CR1L: variants seen among roughly 807,000 people sequenced by gnomAD.
The protein encoded by CR1L is complement component receptor 1-like protein.
A neutral mutation model predicts 62.3 loss-of-function variants in CR1L; 59 were observed. The ratio of observed to expected loss-of-function variants is 0.95; its 90% CI spans 0.77 to 1.18. The LOEUF is 1.18. Among genes scored for constraint, CR1L ranks in the 50% most tolerant of loss-of-function variants. The probability of loss-of-function intolerance (pLI) is 0.00; values close to 1 mark genes in which losing one functional copy is unlikely to be tolerated. For missense variants in CR1L, 700 were observed against 702.8 expected, an observed-to-expected ratio of 1.00 and a Z score of 0.04; for synonymous variants, 279 against 248.7, an observed-to-expected ratio of 1.12 and a Z score of -1.15.
intron 4 of CR1L, among the ~76,000 whole-genome samples, chr1:207,692,081 C>T (rs553163020): frequency 6.6e-6 from 1 of 152,272 alleles, no homozygotes; most frequent in South Asian, 2.1e-4. Context: ...ATTTGATTGG[C>T]CAAAACTCGG....
At chr1:207,686,295 G>T (rs1167828253) in intron 4 of CR1L, among the ~76,000 whole-genome samples, 1 of 150,234 alleles carries the variant, frequency 6.7e-6, no homozygotes, top group African/African-American at 2.5e-5. Flanking sequence ...TCCTTGTCTT[G>T]TTCCACATCT....
At chr1:207,716,781 C>T (rs2102483160) in intron 10 of CR1L, among the ~76,000 whole-genome samples, 1 of 152,258 alleles carries the variant, frequency 6.6e-6, no homozygotes, top group African/African-American at 2.4e-5. Flanking sequence ...TTCCGATAAA[C>T]TTGGGTATCT....
At chr1:207,676,221 C>T (rs575724905) in intron 1 of CR1L, among the ~76,000 whole-genome samples, 1 of 152,170 alleles carries the variant, frequency 6.6e-6, no homozygotes, top group South Asian at 2.1e-4. Flanking sequence ...TTCAAACTAG[C>T]AGAGACTTTT....
intron 5 of CR1L, among the ~76,000 whole-genome samples, chr1:207,696,985 A>G (rs1267185267): frequency 2.0e-5 from 3 of 152,230 alleles, no homozygotes; most frequent in Non-Finnish European, 4.4e-5. Context: ...ACCCTATGTC[A>G]GGTGGCCGCT....
At chr1:207,698,934 G>T (rs1664149709) in intron 7 of CR1L, among the ~76,000 whole-genome samples, 2 of 152,202 alleles carry the variant, frequency 1.3e-5, no homozygotes, top group South Asian at 4.1e-4. Flanking sequence ...CTGGGTCAAG[G>T]AGATGGTGGC....
At chr1:207,667,664 T>A (rs1281814500) in intron 1 of CR1L, among the ~76,000 whole-genome samples, 1 of 152,192 alleles carries the variant, frequency 6.6e-6, no homozygotes, top group East Asian at 1.9e-4. Flanking sequence ...TGTTATTTTT[T>A]AAATTGGCTC....
chr1:207,681,985 G>A (rs559253041), intron 3 of CR1L, among the ~76,000 whole-genome samples: 142 of 151,796 alleles, frequency 9.4e-4, no homozygotes, highest in Non-Finnish European at 1.6e-3. Flanking sequence ...ATCACACTCC[G>A]GGGCCTGTTG....
intron 1 of CR1L, 151 bp from the exon 2 acceptor site, chr1:207,677,238 G>T (rs191975411): frequency 3.1e-5 from 23 of 736,178 alleles, no homozygotes; most frequent in Non-Finnish European, 1.2e-5. Context: ...AGGGAGAATT[G>T]CTTGAACCTG....
At chr1:207,652,547 A>G (rs1394541365) in intron 1 of CR1L, 8 of 1,500,500 alleles carry the variant, frequency 5.3e-6, no homozygotes, top group Middle Eastern at 1.7e-4. Flanking sequence ...TTATCCCTAG[A>G]TGCCTATGAG....
chr1:207,645,216 G>C lies in CR1L; in HGVS notation c.-18G>C. On this transcript the variant is annotated 5_prime_UTR_variant, in exon 1 of 12. Transcript: ENST00000508064. The stretch of plus-strand genomic sequence containing the variant: ...TCTGCTCACCTCCGGATAAATCACG[G>C]GGTCTCCCGCGCCGCTCATGGCGCC... The C allele has an allele frequency of 6.2e-7, 1 of 1,611,906 alleles. No individual in the cohort carries two copies. The highest frequency in any genetic ancestry group is 1.1e-5 in the South Asian group (1 of 91,018).
At chr1:207,657,038 T>G (rs10082154) in intron 1 of CR1L, 1 of 577,170 alleles carries the variant, frequency 1.7e-6, no homozygotes, top group Admixed American at 3.1e-5. Context: ...AAACCCTATA[T>G]TGACAAATTC....
At chr1:207,656,232 C>T (rs768008524) in intron 1 of CR1L, among the ~76,000 whole-genome samples, 8 of 150,280 alleles carry the variant, frequency 5.3e-5, no homozygotes, top group Non-Finnish European at 8.9e-5. Flanking sequence ...AGCGAGATTC[C>T]GTCTCAAAAT....
intron 1 of CR1L, among the ~76,000 whole-genome samples, chr1:207,657,749 A>C (rs1188756962): frequency 6.6e-6 from 1 of 152,208 alleles, no homozygotes; most frequent in African/African-American, 2.4e-5. Flanking sequence ...AATTTTCTTA[A>C]AGACCAGAGT....
chr1:207,684,018 A>G (rs1476059715), intron 4 of CR1L, 61 bp downstream of exon 4: 5 of 1,509,538 alleles, frequency 3.3e-6, no homozygotes, highest in Non-Finnish European at 4.6e-6. Context: ...TCTCTGGAAT[A>G]ATAAAAATCT....
In CR1L at chr1:207,683,808, G is replaced by C. The variant is rs573079790; in HGVS notation, c.378-64G>C. On this transcript the variant is annotated intron_variant, in intron 3 of 11. Transcript: ENST00000508064. ...TATAAGAGTGTAATCTCTGGAAGTA[G>C]TAATTTAATTGGGTAGTTGACCTGT... 358 of 1,451,942 alleles carry C rather than the reference G, an allele frequency of 2.5e-4. 1 individual carries two copies. The highest frequency in any genetic ancestry group is 7.4e-4 in the Admixed American group (44 of 59,396). The allele number at this position is 1,451,942 out of a possible 1,614,324, so 89.9% of individuals were successfully genotyped here.
intron 5 of CR1L, 50 bp from the exon 6 acceptor site, chr1:207,697,453 A>G (rs1571526343): frequency 6.2e-7 from 1 of 1,613,000 alleles, no homozygotes; most frequent in South Asian, 1.1e-5. Flanking sequence ...TAACAGTGAG[A>G]GAAAAGTTAT....
At chr1:207,669,825 A>G (rs1308367014) in intron 1 of CR1L, among the ~76,000 whole-genome samples, 1 of 151,286 alleles carries the variant, frequency 6.6e-6, no homozygotes, top group African/African-American at 2.5e-5. Context: ...TGGAAGGCGC[A>G]GATGCTGAGC....
intron 1 of CR1L, among the ~76,000 whole-genome samples, chr1:207,670,670 G>A (rs1193868219): frequency 6.6e-6 from 1 of 150,980 alleles, no homozygotes. Context: ...AGAGTAAGGG[G>A]AAAAGAAAAC....
At chr1:207,687,963 T>C (rs1031729930) in intron 4 of CR1L, among the ~76,000 whole-genome samples, 9 of 152,178 alleles carry the variant, frequency 5.9e-5, no homozygotes, top group African/African-American at 2.2e-4. Flanking sequence ...TTCCAGTTAC[T>C]GCTTTTTCTA....
Sources: allele counts gnomAD v4.1 joint callset (sites outside exome capture counted in the v4.1 genomes callset), GRCh38; gene constraint gnomAD v4.1.1; transcripts MANE v1.5; gene names NCBI Gene and HGNC (gene_info 2026-07-23, HGNC 2026-07-21).